The following GPC5 variants were observed in gnomAD, a reference collection of about 807,000 sequenced individuals.
The protein encoded by GPC5 is glypican-5.
In GPC5, 47 loss-of-function variants were observed where a neutral mutation model predicts 53.9. That is an observed-to-expected ratio of 0.87 (90% CI 0.69 to 1.11). The LOEUF is 1.11. Ranked by LOEUF, GPC5 falls within the 50% of genes most tolerant of loss-of-function variation. GPC5 has a pLI of 0.00. For synonymous variants in GPC5, 286 were observed against 263.3 expected (o/e 1.09, Z -0.84); for missense variants, 748 against 713.1 (o/e 1.05, Z -0.56).
chr13:91,959,023 C>T (rs2040100345), intron 6 of GPC5, among the ~76,000 whole-genome samples: 1 of 146,910 alleles, frequency 6.8e-6, no homozygotes, highest in African/African-American at 2.5e-5. Context: ...AAAGGAATAA[C>T]AAAGATCCGA....
At chr13:92,288,112 C>G (rs1034236403) in intron 7 of GPC5, among the ~76,000 whole-genome samples, 1 of 151,544 alleles carries the variant, frequency 6.6e-6, no homozygotes, top group South Asian at 2.1e-4. Flanking sequence ...TATTTAAATC[C>G]CTATCTGTTT....
intron 7 of GPC5, among the ~76,000 whole-genome samples, chr13:92,712,935 G>C (rs983302362): frequency 6.6e-6 from 1 of 151,966 alleles, no homozygotes; most frequent in African/African-American, 2.4e-5. Context: ...GGCCCTCAAA[G>C]GAAACCAACC....
chr13:92,575,606 A>T (rs767983514), intron 7 of GPC5, among the ~76,000 whole-genome samples: 12 of 152,114 alleles, frequency 7.9e-5, no homozygotes, highest in South Asian at 2.1e-4. Flanking sequence ...TAGGAAACTC[A>T]TATAAATAGA....
intron 6 of GPC5, among the ~76,000 whole-genome samples, chr13:92,033,003 C>A (rs1283100057): frequency 6.7e-6 from 1 of 150,344 alleles, no homozygotes; most frequent in East Asian, 2.0e-4. Context: ...AGGGAAGCAG[C>A]CCTGTTGTTC....
chr13:91,927,317 T>G (rs1462486219), intron 6 of GPC5, among the ~76,000 whole-genome samples: 1 of 152,150 alleles, frequency 6.6e-6, no homozygotes, highest in Admixed American at 6.5e-5. Context: ...TAAACAATCA[T>G]TTTTTGCGGT....
At chr13:91,685,148 A>C (rs1209630824) in intron 2 of GPC5, among the ~76,000 whole-genome samples, 1 of 152,030 alleles carries the variant, frequency 6.6e-6, no homozygotes, top group African/African-American at 2.4e-5. Context: ...ACAAACAAAC[A>C]AAAATTAGCT....
At chr13:92,610,030 C>CAAAAAAAAAA (rs56913637) in intron 7 of GPC5, among the ~76,000 whole-genome samples, 2 of 70,836 alleles carry the variant, frequency 2.8e-5, no homozygotes, top group Non-Finnish European at 5.1e-5. Flanking sequence ...GACTCCATCT[C>CAAAAAAAAAA]AAAAAAAAAA....
intron 6 of GPC5, among the ~76,000 whole-genome samples, chr13:91,973,451 C>A (rs2040264408): frequency 6.6e-6 from 1 of 152,204 alleles, no homozygotes; most frequent in Non-Finnish European, 1.5e-5. Context: ...TCATCTGGAG[C>A]CTTCTTCTCT....
At chr13:92,336,737 G>A (rs2043326343) in intron 7 of GPC5, among the ~76,000 whole-genome samples, 1 of 152,126 alleles carries the variant, frequency 6.6e-6, no homozygotes, top group Non-Finnish European at 1.5e-5. Flanking sequence ...TTCATTCAAA[G>A]ACTGTGTTCA....
At chr13:92,344,333 A>AT (rs2043392068) in intron 7 of GPC5, among the ~76,000 whole-genome samples, 1 of 151,894 alleles carries the variant, frequency 6.6e-6, no homozygotes, top group Non-Finnish European at 1.5e-5. Flanking sequence ...CCATGATTCA[A>AT]TTACCTCCCA....
At chr13:92,557,682 A>T (rs1222806581) in intron 7 of GPC5, among the ~76,000 whole-genome samples, 1 of 152,000 alleles carries the variant, frequency 6.6e-6, no homozygotes, top group Admixed American at 6.6e-5. Flanking sequence ...GTACCATATA[A>T]GGGGCTAGTC....
chr13:92,044,160 A>G (rs994783530), intron 6 of GPC5, among the ~76,000 whole-genome samples: 2 of 152,300 alleles, frequency 1.3e-5, no homozygotes, highest in East Asian at 1.9e-4. Context: ...CAGAAAATCT[A>G]TACTTTGTCA....
intron 2 of GPC5, among the ~76,000 whole-genome samples, chr13:91,533,167 G>T (rs1012345070): frequency 6.6e-6 from 1 of 152,170 alleles, no homozygotes; most frequent in Non-Finnish European, 1.5e-5. Context: ...AGATTCAAAA[G>T]GAGGAATGGA....
intron 2 of GPC5, among the ~76,000 whole-genome samples, chr13:91,451,029 T>A (rs1881139278): frequency 6.6e-6 from 1 of 152,166 alleles, no homozygotes; most frequent in Non-Finnish European, 1.5e-5. Context: ...GGCTACCTTA[T>A]CATTAAGTAA....
rs757953581 is a variant in GPC5 at position 91,432,203 on chromosome 13, C to CTGTGTGTG, written c.164-16518_164-16511dup. 4.4e-3 allele frequency among the ~76,000 whole-genome samples: 598 copies of CTGTGTGTG among 136,426 alleles called. 2 individuals are homozygous for CTGTGTGTG. The highest frequency in any genetic ancestry group is 0.019 in the Middle Eastern group (5 of 268). The allele number at this position is 136,426 out of a possible 152,430, so 89.5% of individuals were successfully genotyped here. A position where few individuals can be genotyped will look rare whatever the true frequency, so the allele number is the denominator to read the frequency against. ...GCTTCCACTGCTGCTGCTGCTGCTG[C>CTGTGTGTG]TGTGTGTGTGTGTGTGTGTGTGTGT... On this transcript the variant is annotated intron_variant, in intron 1 of 7. Transcript: ENST00000377067.
rs77108336 is a variant in GPC5, at chr13:92,561,635, C to T, written c.1562-304647C>T. Among the ~76,000 whole-genome samples, 1,254 of 152,106 alleles carry T rather than the reference C, an allele frequency of 8.2e-3. 19 individuals are homozygous for T. Among genetic ancestry groups the T allele is most frequent in the African/African-American group, 0.028 (1,177 of 41,538 alleles). On this transcript the variant is annotated intron_variant, in intron 7 of 7. Coordinates refer to ENST00000377067, the MANE Select transcript of GPC5 (RefSeq NM_004466.6). ...TTCTAGATTTCTTTAAAATGTGTAACTGTGCAGTGTTATCATTAGTACCAA... is the reference window on the plus strand; with the variant it reads ...TTCTAGATTTCTTTAAAATGTGTAATTGTGCAGTGTTATCATTAGTACCAA...
At chr13:91,963,045 A>G (rs1001830821) in intron 6 of GPC5, among the ~76,000 whole-genome samples, 4 of 152,044 alleles carry the variant, frequency 2.6e-5, no homozygotes, top group African/African-American at 9.7e-5. Flanking sequence ...AGCCCACTTG[A>G]GTTTGAATCC....
At chr13:92,838,498 A>T (rs963813360) in intron 7 of GPC5, among the ~76,000 whole-genome samples, 3 of 151,682 alleles carry the variant, frequency 2.0e-5, no homozygotes, top group Admixed American at 6.6e-5. Flanking sequence ...CAAAAAAAAA[A>T]AGAAAAAAAA....
At chr13:92,418,159 T>C (rs940937440) in intron 7 of GPC5, among the ~76,000 whole-genome samples, 2 of 152,072 alleles carry the variant, frequency 1.3e-5, no homozygotes, top group African/African-American at 4.8e-5. Context: ...ATGGCTGGGA[T>C]GTGGGAAAGA....
Sources: allele counts gnomAD v4.1 joint callset (sites outside exome capture counted in the v4.1 genomes callset), GRCh38; gene constraint gnomAD v4.1.1; transcripts MANE v1.5; gene names NCBI Gene and HGNC (gene_info 2026-07-23, HGNC 2026-07-21).